OTUD7A: variants seen among roughly 807,000 people sequenced by gnomAD.
OTUD7A encodes OTU domain-containing protein 7A.
OTUD7A carries 12 observed loss-of-function variants against 65.7 expected under a neutral mutation model. That is an observed-to-expected ratio of 0.18 (90% CI 0.12 to 0.30). OTUD7A has a LOEUF of 0.30. Among genes scored for constraint, OTUD7A ranks in the 10% least tolerant of loss-of-function variants. The probability of loss-of-function intolerance (pLI) is 1.00; values close to 1 mark genes in which losing one functional copy is unlikely to be tolerated. For missense variants in OTUD7A, 1,148 were observed against 1,304.8 expected (o/e 0.88, Z 1.85); for synonymous variants, 641 against 586.3 (o/e 1.09, Z -1.35).
At chr15:31,717,614 C>A (rs2141344832) in intron 1 of OTUD7A, among the ~76,000 whole-genome samples, 1 of 152,284 alleles carries the variant, frequency 6.6e-6, no homozygotes, top group South Asian at 2.1e-4. Flanking sequence ...TGTATATGTG[C>A]CACATTTTCT....
chr15:31,775,433 TAAAC>T, intron 1 of OTUD7A, among the ~76,000 whole-genome samples: 1 of 152,252 alleles, frequency 6.6e-6, no homozygotes, highest in Middle Eastern at 3.4e-3. Context: ...ATAAATAAAT[TAAAC>T]AATAGGTTAT....
At chr15:31,606,696 A>C in intron 3 of OTUD7A, among the ~76,000 whole-genome samples, 1 of 152,222 alleles carries the variant, frequency 6.6e-6, no homozygotes, top group East Asian at 1.9e-4. Flanking sequence ...CTGTTTTGGA[A>C]GTCAGCAGCC....
rs571287554 is a variant in OTUD7A, at chr15:31,492,596, A to C, written c.1172-5030T>G. On this transcript the variant is annotated intron_variant, in intron 10 of 12. Transcript: ENST00000307050. ...AGACTCTGTCTCAAAAAAAAAAAAA[A>C]AAACAAATCTCATTAATTAAAGATG... Among the ~76,000 whole-genome samples, 81 of 151,454 alleles carry C rather than the reference A, an allele frequency of 5.3e-4. No individual in the cohort carries two copies. The South Asian group carries it at 9.6e-3, about 18-fold the overall frequency.
At chr15:31,566,775 ACT>A (rs1254132712) in intron 4 of OTUD7A, among the ~76,000 whole-genome samples, 1 of 151,412 alleles carries the variant, frequency 6.6e-6, no homozygotes, top group Admixed American at 6.6e-5. Context: ...CCCACCCACC[ACT>A]CTCTCTCTCT....
At chr15:31,628,695 T>C (rs1213572369) in intron 3 of OTUD7A, among the ~76,000 whole-genome samples, 1 of 150,830 alleles carries the variant, frequency 6.6e-6, no homozygotes, top group Non-Finnish European at 1.5e-5. Flanking sequence ...GTATGGCCAT[T>C]TTCACGATAT....
chr15:31,804,359 C>T (rs974071041), intron 1 of OTUD7A, among the ~76,000 whole-genome samples: 1 of 152,102 alleles, frequency 6.6e-6, no homozygotes, highest in African/African-American at 2.4e-5. Flanking sequence ...ATTGGAAACA[C>T]CCGGGTCCCC....
At chr15:31,491,729 A>G (rs1194298543) in intron 10 of OTUD7A, among the ~76,000 whole-genome samples, 1 of 152,234 alleles carries the variant, frequency 6.6e-6, no homozygotes, top group Non-Finnish European at 1.5e-5. Flanking sequence ...CTGAAACCCA[A>G]AGACAAAAAG....
chr15:31,754,034 T>A (rs890164932), intron 1 of OTUD7A, among the ~76,000 whole-genome samples: 1 of 151,996 alleles, frequency 6.6e-6, no homozygotes, highest in Non-Finnish European at 1.5e-5. Flanking sequence ...TCTACTATTT[T>A]TTGATTTTTT....
chr15:31,663,246 A>AACACACAC (rs531313199), intron 1 of OTUD7A, among the ~76,000 whole-genome samples: 3,721 of 140,574 alleles, frequency 0.026, 72 homozygotes, highest in African/African-American at 0.045. Flanking sequence ...TCTTGGGCTA[A>AACACACAC]ACACACACAC....
Position 31,559,103 on chromosome 15 carries a change from T to A in OTUD7A, c.416A>T (p.Asn139Ile). 6.2e-7 allele frequency: 1 copy of A among 1,613,040 alleles called. No homozygotes were observed. The highest frequency in any genetic ancestry group is 1.1e-5 in the South Asian group (1 of 91,024). The change falls in exon 5 of 13, where the codon AAC becomes ATC. Residue 139 changes from asparagine (N) to isoleucine (I), a missense_variant. Physicochemically the swap from Asn to Ile is moderately radical, Grantham distance 149 (BLOSUM62 -3). Around this residue, in one of 6 missense-constraint regions of OTUD7A, gnomAD observed 134 missense variants for 252.6 expected, o/e 0.53. Coordinates refer to ENST00000307050, the MANE Select transcript of OTUD7A (RefSeq NM_001382637.1). ...TGGCATCTCCAGGGGGAACTGCTCG[T>A]TGTTGCATTCACTTGCCACGTGGGA... ...ARSHVASECN[N>I]EQFPLEMPIY...
chr15:31,868,391 T>C (rs2141024719), intron 1 of OTUD7A, among the ~76,000 whole-genome samples: 1 of 152,334 alleles, frequency 6.6e-6, no homozygotes, highest in Middle Eastern at 3.4e-3. Context: ...AACAAAAAGA[T>C]GGATACGGGG....
intron 1 of OTUD7A, among the ~76,000 whole-genome samples, chr15:31,848,282 C>G (rs115207218): frequency 6.6e-6 from 1 of 151,984 alleles, no homozygotes; most frequent in Non-Finnish European, 1.5e-5. Context: ...CTGCTGGGCA[C>G]GCAGGGAGGG....
At chr15:31,752,585 C>T (rs1344799049) in intron 1 of OTUD7A, among the ~76,000 whole-genome samples, 2 of 152,124 alleles carry the variant, frequency 1.3e-5, no homozygotes, top group African/African-American at 4.8e-5. Context: ...ATCTGGAAAA[C>T]ATTAGCTTGC....
intron 1 of OTUD7A, among the ~76,000 whole-genome samples, chr15:31,854,584 C>T (rs1897518887): frequency 6.6e-6 from 1 of 152,202 alleles, no homozygotes; most frequent in African/African-American, 2.4e-5. Flanking sequence ...CTCCCTCCTT[C>T]CACTTTTAAG....
chr15:31,526,296 TG>T, intron 8 of OTUD7A, 52 bp downstream of exon 8: 1 of 1,492,690 alleles, frequency 6.7e-7, no homozygotes, highest in South Asian at 1.3e-5. Context: ...TGTGTAGCCC[TG>T]GGTGGCCTGG....
intron 1 of OTUD7A, among the ~76,000 whole-genome samples, chr15:31,858,364 A>G (rs1182178047): frequency 6.6e-6 from 1 of 152,094 alleles, no homozygotes; most frequent in Non-Finnish European, 1.5e-5. Flanking sequence ...GCTAGCATGG[A>G]AGGCTTCGTT....
intron 1 of OTUD7A, among the ~76,000 whole-genome samples, chr15:31,761,165 A>G (rs1268281978): frequency 6.6e-6 from 1 of 152,308 alleles, no homozygotes; most frequent in East Asian, 1.9e-4. Flanking sequence ...CAATCAACAA[A>G]AGAACAGATA....
chr15:31,480,855 G>A lies in OTUD7A; in HGVS notation c.*2439C>T, dbSNP rs969143642. The A allele has an allele frequency of 7.9e-5, 12 of 152,248 alleles. No homozygotes were observed. Among genetic ancestry groups the A allele is most frequent in the Non-Finnish European group, 1.8e-4 (12 of 68,056 alleles). 9.4% of individuals were successfully genotyped at this position (152,248 alleles called of 1,614,324 possible). The stretch of plus-strand genomic sequence containing the variant: ...GGTGTCTACAGGCGTCTGGCGCCTC[G>A]TTACCACATTGAGAAGCTGGGGTGC... On this transcript the variant is annotated 3_prime_UTR_variant, in exon 13 of 13. Transcript: ENST00000307050.
chr15:31,869,224 T>C (rs78289729), intron 1 of OTUD7A, among the ~76,000 whole-genome samples: 5,370 of 152,272 alleles, frequency 0.035, 114 homozygotes, highest in Middle Eastern at 0.071. Flanking sequence ...CAGATCTACC[T>C]CTGTTCTCGT....
Sources: gnomAD v4.1 joint callset for allele counts (sites outside exome capture counted in the v4.1 genomes callset) on GRCh38, gnomAD v4.1.1 for gene constraint, gnomAD v4.1.1 regional missense constraint, MANE v1.5 for transcripts, NCBI Gene and HGNC (gene_info 2026-07-23, HGNC 2026-07-21) for gene names.